Variants in MYOCOS observed in about 807,000 individuals in gnomAD.
MYOCOS encodes myocilin opposite strand protein.
chr1:171,602,226 G>T (rs1308883445), intron 1 of MYOCOS, among the ~76,000 whole-genome samples: 3 of 152,048 alleles, frequency 2.0e-5, no homozygotes, highest in Non-Finnish European at 4.4e-5. Context: ...GTGTGCGAAA[G>T]TCGTGAAAGA....
At chr1:171,602,042 TAA>T (rs879909075) in intron 1 of MYOCOS, among the ~76,000 whole-genome samples, 5 of 139,702 alleles carry the variant, frequency 3.6e-5, no homozygotes, top group Admixed American at 7.2e-5. Flanking sequence ...AAGTTTGCTT[TAA>T]AAAAAAAAAA....
intron 1 of MYOCOS, among the ~76,000 whole-genome samples, chr1:171,605,119 C>T (rs1361668835): frequency 6.6e-6 from 1 of 151,630 alleles, no homozygotes; most frequent in East Asian, 1.9e-4. Flanking sequence ...AGCATGTAGC[C>T]CAGTCTCTAA....
At chr1:171,612,333 A>C (rs12024518) in intron 1 of MYOCOS, among the ~76,000 whole-genome samples, 151,841 of 151,842 alleles carry the variant, frequency 1, 75,920 homozygotes, top group Non-Finnish European at 1. Context: ...ACTGCCTAGG[A>C]CTCCCAAAGT....
At chr1:171,621,380 T>TG (rs1287991553), upstream of MYOCOS, among the ~76,000 whole-genome samples, 2 of 146,628 alleles carry the variant, frequency 1.4e-5, no homozygotes, top group East Asian at 2.0e-4. Context: ...GTGGGTTTTT[T>TG]TTTTTTTTTT....
intron 1 of MYOCOS, among the ~76,000 whole-genome samples, chr1:171,612,822 C>T (rs1652379783): frequency 6.6e-6 from 1 of 152,130 alleles, no homozygotes; most frequent in Non-Finnish European, 1.5e-5. Flanking sequence ...AAGAGTGAAA[C>T]TCCATCTCAA....
chr1:171,619,155 A>C (rs1355886461), upstream of MYOCOS, among the ~76,000 whole-genome samples: 1 of 152,118 alleles, frequency 6.6e-6, no homozygotes, highest in Non-Finnish European at 1.5e-5. Flanking sequence ...AAATGTATGG[A>C]CTTTGGTATC....
intron 2 of MYOCOS, among the ~76,000 whole-genome samples, chr1:171,616,885 A>G (rs763025006): frequency 2.0e-5 from 3 of 152,216 alleles, no homozygotes; most frequent in African/African-American, 4.8e-5. Context: ...TAGCCATAAC[A>G]TGGGAAGGTT....
rs367654229 is a variant in MYOCOS, at chr1:171,603,403, C to T, written c.-252+2323C>T. 4.6e-5 allele frequency among the ~76,000 whole-genome samples: 7 copies of T among 151,986 alleles called. No homozygotes were observed. In the East Asian group the frequency reaches 5.8e-4, roughly 13 times the overall value. ...GGCATTTCATCAACCAGAGGAAAAA[C>T]AAAAAATAAGACATCGTAAAGTGAG... is the stretch of plus-strand genomic sequence containing the variant. On this transcript the variant is annotated intron_variant, in intron 1 of 3. Coordinates refer to the MYOCOS transcript ENST00000636697.
Position 171,623,268 on chromosome 1 carries a change from G to A in MYOCOS, c.-43-573G>A, listed in dbSNP as rs192610059. Among the ~76,000 whole-genome samples the A allele has an allele frequency of 1.8e-3, 275 of 152,234 alleles. 1 individual carries two copies. The highest frequency in any genetic ancestry group is 2.7e-3 in the Non-Finnish European group (187 of 68,000). ...GGTGACCGGCAGTAAATGGGTGGCCGCTATCTCTGTTATCAAAATCAACCC... is the reference window on the plus strand; with the variant it reads ...GGTGACCGGCAGTAAATGGGTGGCCACTATCTCTGTTATCAAAATCAACCC... On this transcript the variant is annotated intron_variant, in intron 1 of 2. Coordinates refer to ENST00000637642, the MANE Select transcript of MYOCOS (RefSeq NM_001391940.1).
chr1:171,610,097 A>G (rs1181091248), intron 1 of MYOCOS, among the ~76,000 whole-genome samples: 1 of 152,274 alleles, frequency 6.6e-6, no homozygotes, highest in African/African-American at 2.4e-5. Flanking sequence ...CATCTAAAAC[A>G]AGTCTTATAA....
At chr1:171,611,727 T>G (rs1376998830) in intron 1 of MYOCOS, among the ~76,000 whole-genome samples, 1 of 152,158 alleles carries the variant, frequency 6.6e-6, no homozygotes, top group Non-Finnish European at 1.5e-5. Flanking sequence ...GCAGTATTCC[T>G]AAGTATGGAA....
At chr1:171,603,894 T>TC (rs1474184978) in intron 1 of MYOCOS, among the ~76,000 whole-genome samples, 13 of 151,434 alleles carry the variant, frequency 8.6e-5, no homozygotes, top group Admixed American at 8.5e-4. Context: ...AAACATAAAG[T>TC]CCCCCCATGC....
At chr1:171,614,799 C>T (rs935093882) in exon 2 of MYOCOS, 4 of 152,114 alleles carry the variant, frequency 2.6e-5, no homozygotes, top group Admixed American at 6.5e-5. Flanking sequence ...ACATTTTAGA[C>T]GGAGTAGTCA....
chr1:171,606,498 T>TA (rs1652245782), intron 1 of MYOCOS, among the ~76,000 whole-genome samples: 2 of 152,194 alleles, frequency 1.3e-5, no homozygotes, highest in African/African-American at 4.8e-5. Context: ...ACCCAGTAGT[T>TA]AAAAATCAAC....
At chr1:171,610,731 G>C (rs966310473) in intron 1 of MYOCOS, among the ~76,000 whole-genome samples, 2 of 152,196 alleles carry the variant, frequency 1.3e-5, no homozygotes, top group African/African-American at 4.8e-5. Context: ...TCCAATGCAT[G>C]AATTCTGTGG....
intron 2 of MYOCOS, among the ~76,000 whole-genome samples, chr1:171,617,148 G>A (rs73041909): frequency 0.074 from 11,264 of 152,116 alleles, 1,420 homozygotes; most frequent in African/African-American, 0.26. Context: ...AGACAGGGCA[G>A]ACAGTGTGAG....
intron 1 of MYOCOS, among the ~76,000 whole-genome samples, chr1:171,623,023 G>A (rs1213849697): frequency 6.6e-6 from 1 of 152,148 alleles, no homozygotes; most frequent in Non-Finnish European, 1.5e-5. Context: ...GAGCTCATGA[G>A]TTTGAGACCA....
chr1:171,616,632 T>C (rs896893521), intron 2 of MYOCOS, among the ~76,000 whole-genome samples: 4 of 152,200 alleles, frequency 2.6e-5, no homozygotes, highest in African/African-American at 9.6e-5. Flanking sequence ...AGTTCAGTCT[T>C]GGACATGTCG....
At chr1:171,618,881 A>C (rs937728117), upstream of MYOCOS, among the ~76,000 whole-genome samples, 2 of 151,896 alleles carry the variant, frequency 1.3e-5, no homozygotes, top group Non-Finnish European at 2.9e-5. Flanking sequence ...TGGACTCACT[A>C]TCTCCTTTTT....
Sources: gnomAD v4.1 joint callset for allele counts (sites outside exome capture counted in the v4.1 genomes callset) on GRCh38, gnomAD v4.1.1 for gene constraint, MANE v1.5 for transcripts, NCBI Gene and HGNC (gene_info 2026-07-23, HGNC 2026-07-21) for gene names.